The following OTOGL variants were observed in gnomAD, a reference collection of about 807,000 sequenced individuals.
OTOGL encodes otogelin-like protein.
OTOGL carries 285 observed loss-of-function variants against 318.5 expected under a neutral mutation model. The observed-to-expected ratio is 0.89, with a 90% confidence interval of 0.81 to 0.99. OTOGL has a LOEUF of 0.99. Among genes scored for constraint, OTOGL ranks in the 50% least tolerant of loss-of-function variants. OTOGL has a pLI of 0.00. For synonymous variants in OTOGL, 987 were observed against 936.5 expected (o/e 1.05, Z -0.99); for missense variants, 2,899 against 2,845.6 (o/e 1.02, Z -0.43).
At chr12:80,202,326 A>G (rs1005005573) in intron 1 of OTOGL, among the ~76,000 whole-genome samples, 4 of 147,996 alleles carry the variant, frequency 2.7e-5, no homozygotes, top group Non-Finnish European at 4.4e-5. Context: ...GCTGGAGTGC[A>G]ATGGTGTGAT....
In OTOGL at chr12:80,204,318, G is replaced by A. The variant is rs184594089; in HGVS notation, c.-19-5095G>A. ...GGGAAGCAGAAGATGATAGGCTAAC[G>A]TTTGACACTCCAGTGGCTCTTGTCA... is the stretch of plus-strand genomic sequence containing the variant. On this transcript the variant is annotated intron_variant, in intron 1 of 58. Coordinates refer to ENST00000547103, the MANE Select transcript of OTOGL (RefSeq NM_001378609.3). Among the ~76,000 whole-genome samples the A allele has an allele frequency of 3.3e-4, 51 of 152,252 alleles. 1 individual carries two copies. The highest frequency in any genetic ancestry group is 1.1e-3 in the African/African-American group (47 of 41,550).
chr12:80,257,307 G>GTTT (rs372794623), intron 17 of OTOGL, among the ~76,000 whole-genome samples: 12 of 147,576 alleles, frequency 8.1e-5, no homozygotes, highest in East Asian at 2.0e-4. Flanking sequence ...TTAAGGTGAA[G>GTTT]TTTTTTTTTT....
At chr12:80,360,773 C>A (rs376183413) in intron 52 of OTOGL, among the ~76,000 whole-genome samples, 3 of 152,024 alleles carry the variant, frequency 2.0e-5, no homozygotes, top group East Asian at 3.9e-4. Flanking sequence ...AGCCACCGCG[C>A]CTGGCTGGGA....
chr12:80,288,748 T>C (rs1237168278), intron 26 of OTOGL, among the ~76,000 whole-genome samples: 2 of 151,986 alleles, frequency 1.3e-5, no homozygotes, highest in African/African-American at 4.8e-5. Context: ...CTCCACCAGG[T>C]CATTTATGTT....
Position 80,252,200 on chromosome 12 carries a change from T to TTAC in OTOGL, c.1284_1285insTAC (p.Asp428_Gly429insTyr), listed in dbSNP as rs1565930668. 1 of 1,598,188 alleles carries TTAC rather than the reference T, an allele frequency of 6.3e-7. No individual in the cohort carries two copies. Among genetic ancestry groups the TTAC allele is most frequent in the South Asian group, 1.1e-5 (1 of 87,956 alleles). On this transcript the variant is annotated inframe_insertion and splice_region_variant, in exon 13 of 59. Transcript: ENST00000547103. ...GTCTTGATGGATGTTACTGCCCAGATGGTAAGTGCTTCATGAAGAAACCAT... is the reference window on the plus strand; with the variant it reads ...GTCTTGATGGATGTTACTGCCCAGATTACGGTAAGTGCTTCATGAAGAAACCAT...
intron 1 of OTOGL, among the ~76,000 whole-genome samples, chr12:80,203,903 T>C (rs1436566591): frequency 1.3e-5 from 2 of 152,202 alleles, no homozygotes; most frequent in Non-Finnish European, 2.9e-5. Context: ...TCTAATAGGT[T>C]CGCTAGGTAA....
At chr12:80,229,528 C>T (rs1879180265) in intron 8 of OTOGL, 150 bp downstream of exon 8, 5 of 1,123,340 alleles carry the variant, frequency 4.5e-6, no homozygotes, top group African/African-American at 1.6e-5. Flanking sequence ...ATCAAAACTT[C>T]GGTAGGCTCT....
chr12:80,297,331 CT>C (rs5799464), intron 27 of OTOGL, among the ~76,000 whole-genome samples: 52,903 of 140,658 alleles, frequency 0.38, 10,166 homozygotes, highest in African/African-American at 0.49. Context: ...TTGTATATGT[CT>C]TTTTTTTTTT....
At chr12:80,351,464 C>T (rs540369480) in intron 44 of OTOGL, among the ~76,000 whole-genome samples, 42 of 152,030 alleles carry the variant, frequency 2.8e-4, no homozygotes, top group African/African-American at 3.9e-4. Context: ...TACAGGCACG[C>T]GCCACCACAC....
At chr12:80,266,826 T>C (rs1883015863) in intron 21 of OTOGL, among the ~76,000 whole-genome samples, 1 of 152,198 alleles carries the variant, frequency 6.6e-6, no homozygotes, top group Admixed American at 6.5e-5. Context: ...TGCTTGCTTT[T>C]ACCATAGTCA....
chr12:80,366,606 G>C lies in OTOGL; in HGVS notation c.6300G>C (p.Gln2100His), dbSNP rs1256176874. 7.0e-7 allele frequency: 1 copy of C among 1,426,406 alleles called. No homozygotes were observed. Among genetic ancestry groups the C allele is most frequent in the Non-Finnish European group, 9.2e-7 (1 of 1,085,306 alleles). The allele number at this position is 1,426,406 out of a possible 1,614,324, so 88.4% of individuals were successfully genotyped here. ...TTACTGCAATAGACCATAACTTCCA[G>C]AGTGATTGTGGATGCATACAGTATC... ...GEFTAIDHNF[Q>H]SDCGCIQYLC... The change falls in exon 53 of 59, where the codon CAG (glutamine) becomes CAC (histidine). Residue 2100 changes from glutamine to histidine, a missense_variant. By Grantham distance (24) the Gln-to-His change is conservative. Transcript: ENST00000547103.
chr12:80,147,298 T>C (rs2137157535), intron 1 of OTOGL, among the ~76,000 whole-genome samples: 1 of 146,400 alleles, frequency 6.8e-6, no homozygotes, highest in South Asian at 2.3e-4. Context: ...ATTTCTGCCT[T>C]CATTTCGTTA....
chr12:80,135,889 C>A (rs1017710154), intron 1 of OTOGL, among the ~76,000 whole-genome samples: 3 of 152,174 alleles, frequency 2.0e-5, no homozygotes, highest in African/African-American at 7.2e-5. Context: ...AGAGAGAATT[C>A]TCCTGCCTGA....
At position 80,123,228 on chromosome 12, in the gene OTOGL, C is replaced by G. The variant is rs552484055; in HGVS notation, c.-20+23623C>G. ...GCCCCAGTGTGTGATATTCCCCTTC[C>G]TGTGTCCATGTGTTCTCCTTGTTCA... On this transcript the variant is annotated intron_variant, in intron 1 of 58. Coordinates refer to ENST00000547103, the MANE Select transcript of OTOGL (RefSeq NM_001378609.3). Among the ~76,000 whole-genome samples the G allele has an allele frequency of 2.6e-3, 389 of 152,218 alleles. 2 individuals are homozygous for G. Among genetic ancestry groups the G allele is most frequent in the African/African-American group, 8.8e-3 (367 of 41,522 alleles).
intron 35 of OTOGL, among the ~76,000 whole-genome samples, chr12:80,325,454 A>G (rs1592709833): frequency 6.6e-6 from 1 of 152,242 alleles, no homozygotes. Context: ...CAGTATTCCT[A>G]TTCCCAGAGG....
In OTOGL at chr12:80,310,730, AAATG is replaced by A. The variant is rs1223356317; in HGVS notation, c.3450+7_3450+10del. The A allele has an allele frequency of 6.5e-7, 1 of 1,538,018 alleles. No homozygotes were observed. The highest frequency in any genetic ancestry group is 1.1e-5 in the South Asian group (1 of 89,652). On this transcript the variant is annotated splice_donor_5th_base_variant and intron_variant, in intron 30 of 58. Coordinates refer to ENST00000547103, the MANE Select transcript of OTOGL (RefSeq NM_001378609.3). ...TTTTTGCTTCTTGTCGCAATGTGGT[AAATG>A]AATACTTTAATGAACTCTCGAGTTT...
intron 57 of OTOGL, among the ~76,000 whole-genome samples, chr12:80,373,787 C>A (rs1011171809): frequency 1.2e-4 from 18 of 151,954 alleles, no homozygotes; most frequent in Non-Finnish European, 2.5e-4. Flanking sequence ...CCAAGTCATA[C>A]CTCTTGTAAG....
chr12:80,299,476 T>C (rs12227510), intron 27 of OTOGL, among the ~76,000 whole-genome samples: 6 of 152,210 alleles, frequency 3.9e-5, no homozygotes, highest in African/African-American at 1.4e-4. Flanking sequence ...ATAAACTGTA[T>C]GACATAAGAT....
intron 1 of OTOGL, among the ~76,000 whole-genome samples, chr12:80,112,529 T>C (rs924710539): frequency 6.6e-6 from 1 of 152,182 alleles, no homozygotes; most frequent in Non-Finnish European, 1.5e-5. Flanking sequence ...TGTTTCTGTT[T>C]ATGTGATGGA....
Sources: gnomAD v4.1 joint callset for allele counts (sites outside exome capture counted in the v4.1 genomes callset) on GRCh38, gnomAD v4.1.1 for gene constraint, MANE v1.5 for transcripts, NCBI Gene and HGNC (gene_info 2026-07-23, HGNC 2026-07-21) for gene names.